VCP: variants seen among roughly 807,000 people sequenced by gnomAD.
VCP encodes the protein valosin containing protein, also known as transitional endoplasmic reticulum ATPase.
Under a neutral mutation model 85.7 loss-of-function variants are expected in VCP, and 6 were observed. That is an observed-to-expected ratio of 0.07 (90% CI 0.04 to 0.14). VCP has a LOEUF of 0.14. Ranked by LOEUF, VCP falls within the 10% of genes least tolerant of loss-of-function variation. The pLI is 1.00. For synonymous variants in VCP, 384 were observed against 367.1 expected (o/e 1.05, Z -0.53); for missense variants, 353 against 1,043.4 (o/e 0.34, Z 9.12).
intron 15 of VCP, chr9:35,057,978 T>G (rs951304075): frequency 3.4e-6 from 1 of 294,306 alleles, no homozygotes; most frequent in Non-Finnish European, 6.6e-6. Flanking sequence ...GCTTACCACA[T>G]TTGGATTACA....
rs1828877992 is a variant in VCP at position 35,068,514 on chromosome 9, G to A, written c.18-152C>T. 3 of 750,610 alleles carry A rather than the reference G, an allele frequency of 4.0e-6. No homozygotes were observed. In the Admixed American group the frequency reaches 5.8e-5, roughly 15 times the overall value. 46.5% of individuals were successfully genotyped at this position (750,610 alleles called of 1,614,324 possible). ...GGAAAGGCAGCCAAGGTCACGAGGA[G>A]CAGTATCTACCATACATATTACAAT... On this transcript the variant is annotated intron_variant, in intron 1 of 16. Transcript: ENST00000358901.
In VCP at chr9:35,063,006, C is replaced by T; in HGVS notation, c.783G>A (p.Glu261=). The change falls in exon 7 of 17, where the codon GAG becomes GAA. Residue 261 remains glutamate, a synonymous_variant. Transcript: ENST00000358901. The part of the protein sequence containing the change: ...KTLIARAVAN[E]TGAFFFLING... ...TGATCAAGAAGAAGAAGGCTCCAGT[C>T]TCATTTGCTACAGCTCGAGCAATCA... 1 of 1,614,070 alleles carries T rather than the reference C, an allele frequency of 6.2e-7. No individual in the cohort carries two copies. Among genetic ancestry groups the T allele is most frequent in the Non-Finnish European group, 8.5e-7 (1 of 1,180,024 alleles).
At chr9:35,067,128 T>G (rs1481129068) in intron 3 of VCP, among the ~76,000 whole-genome samples, 1 of 151,994 alleles carries the variant, frequency 6.6e-6, no homozygotes, top group South Asian at 2.1e-4. Flanking sequence ...CAAGGGAAGG[T>G]CTTAAGCTAA....
At chr9:35,065,435 T>C (rs1828810213) in intron 4 of VCP, 54 bp from the exon 5 acceptor site, 1 of 1,611,982 alleles carries the variant, frequency 6.2e-7, no homozygotes. Flanking sequence ...CAAGACAAAG[T>C]GAGAACTCAT....
In VCP at chr9:35,061,159, C is replaced by T; in HGVS notation, c.1215G>A (p.Gly405=). 1 of 1,613,578 alleles carries T rather than the reference C, an allele frequency of 6.2e-7. No homozygotes were observed. Among genetic ancestry groups the T allele is most frequent in the Non-Finnish European group, 8.5e-7 (1 of 1,180,026 alleles). Residue 405 remains glycine (G), a synonymous_variant, in exon 11 of 17, where the codon GGG becomes GGA. Transcript: ENST00000358901. ...GGGCTGCTAAGTCAGCACCCACATGCCCGTGAGTCTCATTGGCTACCTGCA... is the reference window on the plus strand; with the variant it reads ...GGGCTGCTAAGTCAGCACCCACATGTCCGTGAGTCTCATTGGCTACCTGCA... ...DLEQVANETH[G]HVGADLAALC...
chr9:35,066,748 T>C lies in VCP; in HGVS notation c.372A>G (p.Glu124=), dbSNP rs1587128887. The change falls in exon 4 of 17, where the codon GAA becomes GAG. Residue 124 remains glutamate, a synonymous_variant. Coordinates refer to ENST00000358901, the MANE Select transcript of VCP (RefSeq NM_007126.5). ...IHVLPIDDTV[E]GITGNLFEVY... ...CCTCGAAGAGATTACCAGTAATGCC[T>C]TCCACTGTGTCATCAATGGGCAGCA... is the stretch of plus-strand genomic sequence containing the variant. The C allele has an allele frequency of 6.2e-7, 1 of 1,614,184 alleles. No homozygotes were observed. Among genetic ancestry groups the C allele is most frequent in the Non-Finnish European group, 8.5e-7 (1 of 1,180,036 alleles).
chr9:35,072,254 C>T (rs957848997), intron 1 of VCP, 83 bp downstream of exon 1: 2 of 1,473,036 alleles, frequency 1.4e-6, no homozygotes, highest in Admixed American at 2.2e-5. Context: ...GACGCGCCCA[C>T]GGCCAGGCCC....
At chr9:35,058,933 T>C in intron 15 of VCP, 131 bp downstream of exon 15, 1 of 1,257,336 alleles carries the variant, frequency 8.0e-7, no homozygotes, top group South Asian at 1.2e-5. Context: ...TCTTTATCTT[T>C]GATGCCCTAT....
chr9:35,063,940 G>A (rs112366806), intron 6 of VCP, among the ~76,000 whole-genome samples: 1,810 of 152,330 alleles, frequency 0.012, 19 homozygotes, highest in Middle Eastern at 0.027. Flanking sequence ...GTGCGCACAC[G>A]CACACAACAG....
At chr9:35,070,320 C>T (rs1354028195) in intron 1 of VCP, among the ~76,000 whole-genome samples, 1 of 152,214 alleles carries the variant, frequency 6.6e-6, no homozygotes, top group Non-Finnish European at 1.5e-5. Context: ...TGTAAACCCA[C>T]GAGCTCTCCC....
At chr9:35,058,547 G>A (rs1828656041) in intron 15 of VCP, among the ~76,000 whole-genome samples, 1 of 152,156 alleles carries the variant, frequency 6.6e-6, no homozygotes, top group African/African-American at 2.4e-5. Flanking sequence ...CACATCACAA[G>A]GTCAGGAGAT....
Position 35,060,480 on chromosome 9 carries a change from G to A in VCP, c.1528C>T (p.Pro510Ser). 2 of 1,614,218 alleles carry A rather than the reference G, an allele frequency of 1.2e-6. No individual in the cohort carries two copies. Among genetic ancestry groups the A allele is most frequent in the Non-Finnish European group, 1.7e-6 (2 of 1,180,046 alleles). Residue 510 changes from proline to serine, a missense_variant, in exon 13 of 17, where the codon CCT becomes TCT. Around this residue, in one of 8 missense-constraint regions of VCP, gnomAD observed 18 missense variants for 71.2 expected, o/e 0.25. Coordinates refer to ENST00000358901, the MANE Select transcript of VCP (RefSeq NM_007126.5). ...CCATAGAACAGAACTCCCTTGGAAG[G>A]TGTCATGCCAAACTTCAGGAATTTG... The part of the protein sequence containing the change: ...PDKFLKFGMT[P>S]SKGVLFYGPP...
intron 7 of VCP, 108 bp from the exon 8 acceptor site, chr9:35,062,458 A>T (rs1284254414): frequency 1.3e-6 from 2 of 1,554,982 alleles, no homozygotes; most frequent in African/African-American, 2.7e-5. Flanking sequence ...CTGGGTGAGA[A>T]GGTGGTAACC....
At chr9:35,064,346 T>C (rs1402971977) in intron 5 of VCP, 61 bp from the exon 6 acceptor site, 7 of 1,602,272 alleles carry the variant, frequency 4.4e-6, no homozygotes, top group African/African-American at 2.7e-5. Context: ...AAAAGCTGAG[T>C]TTCTCTAAAT....
intron 15 of VCP, among the ~76,000 whole-genome samples, chr9:35,058,711 G>A (rs1828660461): frequency 1.3e-5 from 2 of 152,104 alleles, no homozygotes; most frequent in African/African-American, 4.8e-5. Context: ...AAGTTGCAGT[G>A]AGCCAAGATC....
At position 35,060,791 on chromosome 9, in the gene VCP, G is replaced by A. The variant is rs376146381; in HGVS notation, c.1482+10C>T. 17 of 1,614,206 alleles carry A rather than the reference G, an allele frequency of 1.1e-5. No individual in the cohort carries two copies. In the South Asian group the frequency reaches 1.8e-4, roughly 17 times the overall value. On this transcript the variant is annotated intron_variant, in intron 12 of 16. Coordinates refer to ENST00000358901, the MANE Select transcript of VCP (RefSeq NM_007126.5). ...GAGACAGTGACTCACCCTGGACCAA[G>A]TTGCCCTACCTGGACCAGCTCCTGT...
chr9:35,065,859 G>A (rs900669753), intron 4 of VCP, among the ~76,000 whole-genome samples: 2 of 152,216 alleles, frequency 1.3e-5, no homozygotes, highest in African/African-American at 4.8e-5. Flanking sequence ...GCATGTGTGT[G>A]TATACAAATA....
chr9:35,060,996 G>A lies in VCP; in HGVS notation c.1359+19C>T. ...CAAAGCACGTATGTGTGTACCTGAGGCACGGGTGTGGTCCTTACCCGGAAG... is the reference window on the plus strand; with the variant it reads ...CAAAGCACGTATGTGTGTACCTGAGACACGGGTGTGGTCCTTACCCGGAAG... On this transcript the variant is annotated intron_variant, in intron 11 of 16. Transcript: ENST00000358901. The A allele has an allele frequency of 6.2e-7, 1 of 1,614,156 alleles. No homozygotes were observed. Among genetic ancestry groups the A allele is most frequent in the Non-Finnish European group, 8.5e-7 (1 of 1,180,044 alleles).
intron 15 of VCP, chr9:35,057,762 A>T: frequency 1.7e-6 from 1 of 597,164 alleles, no homozygotes; most frequent in Non-Finnish European, 3.0e-6. Flanking sequence ...ATGGGGCTTA[A>T]GGAGGGGAGA....
Sources: allele counts gnomAD v4.1 joint callset (sites outside exome capture counted in the v4.1 genomes callset), GRCh38; gene constraint gnomAD v4.1.1; regional missense constraint gnomAD v4.1.1; transcripts MANE v1.5; gene names NCBI Gene and HGNC (gene_info 2026-07-23, HGNC 2026-07-21).